Variants in CHRNA6 observed in about 807,000 individuals in gnomAD.
The protein encoded by CHRNA6 is neuronal acetylcholine receptor subunit alpha-6.
CHRNA6 carries 31 observed loss-of-function variants against 40.9 expected under a neutral mutation model. The ratio of observed to expected loss-of-function variants is 0.76; its 90% confidence interval spans 0.57 to 1.02. The LOEUF (loss-of-function observed/expected upper bound fraction) is 1.02, where lower values mean the gene tolerates loss of function less well. Ranked by LOEUF, CHRNA6 falls within the 50% of genes least tolerant of loss-of-function variation. The pLI is 0.00. For synonymous variants in CHRNA6, 222 were observed against 221.3 expected (o/e 1.00, Z -0.03); for missense variants, 546 against 596.6 (o/e 0.92, Z 0.88).
chr8:42,763,780 C>T (rs137855180), intron 2 of CHRNA6, among the ~76,000 whole-genome samples: 73 of 152,282 alleles, frequency 4.8e-4, no homozygotes, highest in African/African-American at 1.7e-3. Context: ...TCAGCCAGTG[C>T]ATGCACACTT....
chr8:42,759,336 C>T lies in CHRNA6; in HGVS notation c.220-223G>A, dbSNP rs1586426228. The T allele has an allele frequency of 7.2e-5, 37 of 515,428 alleles. No homozygotes were observed. The East Asian group carries it at 1.0e-3, about 14-fold the overall frequency. The allele number at this position is 515,428 out of a possible 1,614,324, so 31.9% of individuals were successfully genotyped here. A position where few individuals can be genotyped will look rare whatever the true frequency, so the allele number is the denominator to read the frequency against. On this transcript the variant is annotated intron_variant, in intron 2 of 5. Coordinates refer to ENST00000276410, the MANE Select transcript of CHRNA6 (RefSeq NM_004198.3). ...TTGAGAGGCAATGTGGCTTTAAACT[C>T]TTTCATAGCTGATTTAAGCCTCACC... is the stretch of plus-strand genomic sequence containing the variant.
chr8:42,754,708 C>T lies in CHRNA6; in HGVS notation c.1353+1138G>A, dbSNP rs35389610. Among the ~76,000 whole-genome samples the T allele has an allele frequency of 4.4e-3, 667 of 152,260 alleles. 4 individuals are homozygous for T. Among genetic ancestry groups the T allele is most frequent in the Non-Finnish European group, 7.6e-3 (517 of 68,018 alleles). On this transcript the variant is annotated intron_variant, in intron 5 of 5. Coordinates refer to ENST00000276410, the MANE Select transcript of CHRNA6 (RefSeq NM_004198.3). ...CCAGGCCTGAGTTTCAGATGCCTTC[C>T]GCTAGTCACCCACATGGTGTGGGAA...
chr8:42,763,697 G>A (rs1816935952), intron 2 of CHRNA6, among the ~76,000 whole-genome samples: 1 of 152,330 alleles, frequency 6.6e-6, no homozygotes, highest in Non-Finnish European at 1.5e-5. Flanking sequence ...GATTAGAACA[G>A]GCACCAAATA....
intron 2 of CHRNA6, among the ~76,000 whole-genome samples, chr8:42,760,342 A>C (rs1054781638): frequency 6.6e-6 from 1 of 151,756 alleles, no homozygotes; most frequent in Admixed American, 6.6e-5. Context: ...TCATGCGCAC[A>C]CACACTCGTG....
Position 42,757,083 on chromosome 8 carries a change from G to T in CHRNA6, c.265-46C>A, listed in dbSNP as rs139798976. ...CTTTTAAAATTTCTTAATAACTTTCGGGCCAGGCATGGTGGCTCACGCCTG... is the reference window on the plus strand; with the variant it reads ...CTTTTAAAATTTCTTAATAACTTTCTGGCCAGGCATGGTGGCTCACGCCTG... On this transcript the variant is annotated intron_variant, in intron 3 of 5. Transcript: ENST00000276410. The T allele has an allele frequency of 1.0e-3, 1,491 of 1,458,036 alleles. 13 individuals are homozygous for T. The African/African-American group carries it at 0.018, about 18-fold the overall frequency. The allele number at this position is 1,458,036 out of a possible 1,614,324, so 90.3% of individuals were successfully genotyped here.
chr8:42,761,559 C>T (rs966859239), intron 2 of CHRNA6, among the ~76,000 whole-genome samples: 3 of 152,356 alleles, frequency 2.0e-5, no homozygotes, highest in Non-Finnish European at 4.4e-5. Flanking sequence ...GCCTCACTTC[C>T]GCAGGCTCGG....
At chr8:42,764,980 T>C in intron 2 of CHRNA6, 85 bp downstream of exon 2, 1 of 1,440,790 alleles carries the variant, frequency 6.9e-7, no homozygotes, top group Non-Finnish European at 9.6e-7. Context: ...TAGATTTGCA[T>C]CTATCTGTAT....
In CHRNA6 at chr8:42,758,952, AGATGACC is replaced by A. The variant is rs998148153; in HGVS notation, c.264+110_264+116del. On this transcript the variant is annotated intron_variant, in intron 3 of 5. Transcript: ENST00000276410. The stretch of plus-strand genomic sequence containing the variant: ...ACCAGAGCTGAACTTTAGGCTTTGG[AGATGACC>A]TAGTGGATAATATTTTATATTCTAT... 1.1e-5 allele frequency: 9 copies of A among 799,310 alleles called. No homozygotes were observed. The African/African-American group carries it at 1.5e-4, about 14-fold the overall frequency. 49.5% of individuals were successfully genotyped at this position (799,310 alleles called of 1,614,324 possible). A position where few individuals can be genotyped will look rare whatever the true frequency, so the allele number is the denominator to read the frequency against.
At position 42,756,353 on chromosome 8, in the gene CHRNA6, C is replaced by G; in HGVS notation, c.846G>C (p.Leu282=). The G allele has an allele frequency of 6.2e-7, 1 of 1,614,156 alleles. No homozygotes were observed. Among genetic ancestry groups the G allele is most frequent in the African/African-American group, 1.3e-5 (1 of 75,034 alleles). The change falls in exon 5 of 6, where the codon CTG becomes CTC. Residue 282 remains leucine, a synonymous_variant. Transcript: ENST00000276410. ...CTGTGATGACCAGCAAAAACACAGT[C>G]AGAGAAAGCAGGACTGAAATACAAA... is the stretch of plus-strand genomic sequence containing the variant. ...VTLCISVLLS[L]TVFLLVITET... is the part of the protein sequence containing the mutation.
At chr8:42,765,312 A>ATGAC in intron 1 of CHRNA6, 108 bp from the exon 2 acceptor site, 2 of 1,210,126 alleles carry the variant, frequency 1.7e-6, no homozygotes, top group South Asian at 2.8e-5. Flanking sequence ...GTCCCAGCCC[A>ATGAC]TGACTGCATC....
intron 2 of CHRNA6, among the ~76,000 whole-genome samples, chr8:42,762,987 C>T (rs1816925775): frequency 6.6e-6 from 1 of 152,180 alleles, no homozygotes; most frequent in Admixed American, 6.5e-5. Flanking sequence ...TCCAAGTCTG[C>T]CTTGCAGCTG....
chr8:42,759,047 A>C, intron 3 of CHRNA6, 22 bp downstream of exon 3: 1 of 1,595,172 alleles, frequency 6.3e-7, no homozygotes, highest in Non-Finnish European at 8.6e-7. Flanking sequence ...TCATTAAGCC[A>C]ACACATGATA....
rs527627650 is a variant in CHRNA6 at position 42,760,921 on chromosome 8, C to T, written c.220-1808G>A. On this transcript the variant is annotated intron_variant, in intron 2 of 5. Transcript: ENST00000276410. ...CAGCAGCCTGGTGGCTGTTTATGTC[C>T]CCAGTGGCCAGCAGCAGATTCACAA... Among the ~76,000 whole-genome samples the T allele has an allele frequency of 2.6e-5, 4 of 152,242 alleles. No homozygotes were observed. The South Asian group carries it at 8.3e-4, about 32-fold the overall frequency.
rs1300106249 is a variant in CHRNA6, at chr8:42,753,217, A to G, written c.1447T>C (p.Phe483Leu). The G allele has an allele frequency of 3.1e-6, 5 of 1,611,080 alleles. No individual in the cohort carries two copies. Among genetic ancestry groups the G allele is most frequent in the Non-Finnish European group, 3.4e-6 (4 of 1,179,200 alleles). ...IVCVFGTAGLFLQPLLGNTGK... is the reference protein window; with the variant it reads ...IVCVFGTAGLLLQPLLGNTGK... The stretch of plus-strand genomic sequence containing the variant: ...GTGTTCCCAAGTAGTGGCTGTAGAA[A>G]TAGCCCTGCAGTTCCAAATACACAG... Residue 483 changes from phenylalanine to leucine, a missense_variant, in exon 6 of 6, where the codon TTT becomes CTT. Phe to Leu is a conservative substitution (Grantham distance 22, BLOSUM62 0). This residue lies in a region of CHRNA6 where 65 missense variants were observed against 83.8 expected (regional missense o/e 0.78). Coordinates refer to ENST00000276410, the MANE Select transcript of CHRNA6 (RefSeq NM_004198.3).
chr8:42,754,920 G>C (rs984060672), intron 5 of CHRNA6, among the ~76,000 whole-genome samples: 3 of 152,042 alleles, frequency 2.0e-5, no homozygotes, highest in African/African-American at 7.2e-5. Context: ...ATGCACTCTC[G>C]CCCTCTCCCA....
At position 42,752,997 on chromosome 8, in the gene CHRNA6, C is replaced by T; in HGVS notation, c.*182G>A. On this transcript the variant is annotated 3_prime_UTR_variant, in exon 6 of 6. Transcript: ENST00000276410. Reference sequence around the variant, plus strand: ...GTCATAACACTTCTCACTTCTCCCCCTGTGCTACACTGGAGGATATTCTGC... The same window carrying T: ...GTCATAACACTTCTCACTTCTCCCCTTGTGCTACACTGGAGGATATTCTGC... The T allele has an allele frequency of 1.8e-6, 1 of 543,086 alleles. No homozygotes were observed. The highest frequency in any genetic ancestry group is 3.2e-6 in the Non-Finnish European group (1 of 312,162). The allele number at this position is 543,086 out of a possible 1,614,324, so 33.6% of individuals were successfully genotyped here. A position where few individuals can be genotyped will look rare whatever the true frequency, so the allele number is the denominator to read the frequency against.
At chr8:42,760,650 A>G (rs958179047) in intron 2 of CHRNA6, among the ~76,000 whole-genome samples, 2 of 152,142 alleles carry the variant, frequency 1.3e-5, no homozygotes, top group African/African-American at 4.8e-5. Flanking sequence ...ATGCACACAC[A>G]CGCTAGCACA....
intron 2 of CHRNA6, chr8:42,759,343 A>G (rs1816860540): frequency 2.0e-6 from 1 of 503,558 alleles, no homozygotes; most frequent in Non-Finnish European, 3.6e-6. Flanking sequence ...ACTCTTTCAT[A>G]GCTGATTTAA....
At chr8:42,765,304 C>A (rs1023835707) in intron 1 of CHRNA6, 100 bp from the exon 2 acceptor site, 2 of 1,333,376 alleles carry the variant, frequency 1.5e-6, no homozygotes, top group African/African-American at 2.9e-5. Context: ...GAGCGAATGT[C>A]CCAGCCCATG....
Sources: allele counts gnomAD v4.1 joint callset (sites outside exome capture counted in the v4.1 genomes callset), GRCh38; gene constraint gnomAD v4.1.1; regional missense constraint gnomAD v4.1.1; transcripts MANE v1.5; gene names NCBI Gene and HGNC (gene_info 2026-07-23, HGNC 2026-07-21).